The following MAST4 variants were observed in gnomAD, a reference collection of about 807,000 sequenced individuals.
The protein encoded by MAST4 is microtubule associated serine/threonine kinase family member 4.
A neutral mutation model predicts 162.7 loss-of-function variants in MAST4; 89 were observed. The ratio of observed to expected loss-of-function variants is 0.55; its 90% CI spans 0.46 to 0.65. MAST4 has a LOEUF of 0.65. Among genes scored for constraint, MAST4 ranks in the 30% least tolerant of loss-of-function variants. The pLI, the probability that MAST4 is intolerant of heterozygous loss-of-function variation, is 0.00. For synonymous variants in MAST4, 1,479 were observed against 1,361.1 expected (o/e 1.09, Z -1.91); for missense variants, 3,153 against 3,374.0 (o/e 0.93, Z 1.62).
intron 1 of MAST4, among the ~76,000 whole-genome samples, chr5:66,646,422 C>T (rs1394742704): frequency 1.3e-5 from 2 of 152,106 alleles, no homozygotes; most frequent in Non-Finnish European, 2.9e-5. Flanking sequence ...AAGCCTTGAG[C>T]TTCTCTAAGT....
rs546129999 is a variant in MAST4 at position 66,874,582 on chromosome 5, T to C, written c.643-25369T>C. On this transcript the variant is annotated intron_variant, in intron 3 of 28. Coordinates refer to ENST00000403625, the MANE Select transcript of MAST4 (RefSeq NM_001164664.2). ...TCAATTTCAAAACCCGAAAGTGTTGTAACAGTCTACCCTTCTTTAAAAAAC... is the reference window on the plus strand; with the variant it reads ...TCAATTTCAAAACCCGAAAGTGTTGCAACAGTCTACCCTTCTTTAAAAAAC... Among the ~76,000 whole-genome samples the C allele has an allele frequency of 2.0e-5, 3 of 152,340 alleles. No individual in the cohort carries two copies. In the South Asian group the frequency reaches 6.2e-4, roughly 32 times the overall value.
At chr5:66,664,567 G>A (rs1439032414) in intron 1 of MAST4, among the ~76,000 whole-genome samples, 1 of 149,680 alleles carries the variant, frequency 6.7e-6, no homozygotes, top group East Asian at 1.9e-4. Flanking sequence ...TGAAGTTAAG[G>A]GGAAAAAGAG....
intron 3 of MAST4, among the ~76,000 whole-genome samples, chr5:66,899,300 A>T (rs973341231): frequency 1.3e-5 from 2 of 152,260 alleles, no homozygotes; most frequent in African/African-American, 4.8e-5. Context: ...TAAAATTGAG[A>T]TAAGTGTGAA....
chr5:66,737,924 A>C (rs553140245), intron 1 of MAST4: 1 of 152,326 alleles, frequency 6.6e-6, no homozygotes, highest in African/African-American at 2.4e-5. Context: ...CTTCAAGAAC[A>C]TAGTTTTTGA....
Position 66,921,779 on chromosome 5 carries a change from A to G in MAST4, c.674+21797A>G, listed in dbSNP as rs555992159. ...TCTCAAAAGAAAAATATGAATCAAG[A>G]TCAATGTTTTGCATGCATTAATTAT... is the stretch of plus-strand genomic sequence containing the variant. On this transcript the variant is annotated intron_variant, in intron 4 of 28. Coordinates refer to ENST00000403625, the MANE Select transcript of MAST4 (RefSeq NM_001164664.2). 8.9e-4 allele frequency among the ~76,000 whole-genome samples: 136 copies of G among 152,254 alleles called. 3 individuals carry two copies. The South Asian group carries it at 0.027, about 30-fold the overall frequency.
At chr5:67,134,439 C>A in intron 17 of MAST4, 84 bp from the exon 18 acceptor site, 2 of 1,324,142 alleles carry the variant, frequency 1.5e-6, no homozygotes, top group East Asian at 5.0e-5. Context: ...GCATTCTGGG[C>A]AAAATAATTG....
chr5:66,856,772 T>G (rs1322379044), intron 3 of MAST4, among the ~76,000 whole-genome samples: 1 of 152,244 alleles, frequency 6.6e-6, no homozygotes, highest in Non-Finnish European at 1.5e-5. Context: ...GTGCTTTTTA[T>G]TAAATTAGAC....
intron 1 of MAST4, among the ~76,000 whole-genome samples, chr5:66,740,612 T>C (rs1752430982): frequency 6.6e-6 from 1 of 152,138 alleles, no homozygotes; most frequent in African/African-American, 2.4e-5. Context: ...GGAGGTGATC[T>C]TAGGAGGCTT....
intron 1 of MAST4, among the ~76,000 whole-genome samples, chr5:66,750,356 G>GA (rs1753059937): frequency 1.3e-5 from 2 of 152,180 alleles, no homozygotes; most frequent in African/African-American, 4.8e-5. Context: ...CGCAGGAAAC[G>GA]GTGATTTCTG....
chr5:66,749,913 G>A (rs958573675), intron 1 of MAST4, among the ~76,000 whole-genome samples: 3 of 152,044 alleles, frequency 2.0e-5, no homozygotes, highest in South Asian at 2.1e-4. Context: ...TATAGGCTTC[G>A]GTTTAAAAGT....
chr5:67,057,941 T>TAAA (rs11292115), intron 5 of MAST4, among the ~76,000 whole-genome samples: 2 of 138,126 alleles, frequency 1.4e-5, no homozygotes, highest in Non-Finnish European at 3.2e-5. Context: ...ATTGCAATTA[T>TAAA]AAAAAAAAAA....
At chr5:66,766,650 G>A (rs13157458) in intron 2 of MAST4, among the ~76,000 whole-genome samples, 14,815 of 152,008 alleles carry the variant, frequency 0.097, 980 homozygotes, top group Admixed American at 0.15. Flanking sequence ...GACCTCCTTA[G>A]CTTAGTGGGC....
At chr5:66,903,985 A>G (rs563403295) in intron 4 of MAST4, among the ~76,000 whole-genome samples, 21 of 152,356 alleles carry the variant, frequency 1.4e-4, no homozygotes, top group South Asian at 1.2e-3. Flanking sequence ...GTTTCAATTC[A>G]GTGTGGAACA....
At chr5:67,115,361 G>T (rs1226513619) in intron 12 of MAST4, among the ~76,000 whole-genome samples, 1 of 152,148 alleles carries the variant, frequency 6.6e-6, no homozygotes, top group Non-Finnish European at 1.5e-5. Flanking sequence ...GTAAATGTTG[G>T]CACAGAGATT....
At chr5:66,601,480 T>C (rs1309466259) in intron 1 of MAST4, among the ~76,000 whole-genome samples, 1 of 152,162 alleles carries the variant, frequency 6.6e-6, no homozygotes, top group East Asian at 1.9e-4. Flanking sequence ...GGCTGTGAGG[T>C]AGCATGTGGC....
intron 3 of MAST4, among the ~76,000 whole-genome samples, chr5:66,845,628 C>T (rs1758801071): frequency 6.6e-6 from 1 of 151,892 alleles, no homozygotes; most frequent in African/African-American, 2.4e-5. Context: ...GGGTATATAC[C>T]CAGTAATGGA....
chr5:67,114,057 A>G (rs1366681104), intron 11 of MAST4, 30 bp from the exon 12 acceptor site: 1 of 1,612,258 alleles, frequency 6.2e-7, no homozygotes, highest in East Asian at 2.2e-5. Flanking sequence ...TGGCTCAAAG[A>G]AGTATCCATC....
chr5:66,735,211 A>C (rs535660969), intron 1 of MAST4, among the ~76,000 whole-genome samples: 2 of 152,336 alleles, frequency 1.3e-5, no homozygotes, highest in African/African-American at 4.8e-5. Flanking sequence ...AGAAGTGCTC[A>C]GCTTGCTATC....
chr5:66,775,822 G>A (rs1386847086), intron 2 of MAST4, among the ~76,000 whole-genome samples: 1 of 152,088 alleles, frequency 6.6e-6, no homozygotes, highest in Non-Finnish European at 1.5e-5. Context: ...AGGCGCTGGG[G>A]GAGATGTACT....
Sources: gnomAD v4.1 joint callset for allele counts (sites outside exome capture counted in the v4.1 genomes callset) on GRCh38, gnomAD v4.1.1 for gene constraint, MANE v1.5 for transcripts, NCBI Gene and HGNC (gene_info 2026-07-23, HGNC 2026-07-21) for gene names.